Variants in CCDC97 observed in about 807,000 individuals in gnomAD.
CCDC97 encodes coiled-coil domain-containing protein 97.
CCDC97 carries 27 observed loss-of-function variants against 33.9 expected under a neutral mutation model. That is an observed-to-expected ratio of 0.80 (90% CI 0.59 to 1.10). The LOEUF (loss-of-function observed/expected upper bound fraction) is 1.10, where lower values mean the gene tolerates loss of function less well. Ranked by LOEUF, CCDC97 falls within the 50% of genes least tolerant of loss-of-function variation. CCDC97 has a pLI of 0.00. For missense variants in CCDC97, 422 were observed against 476.6 expected, an observed-to-expected ratio of 0.89 and a Z score of 1.07; for synonymous variants, 217 against 194.0, an observed-to-expected ratio of 1.12 and a Z score of -0.99.
At chr19:41,314,903 G>A (rs1358075143) in intron 1 of CCDC97, among the ~76,000 whole-genome samples, 2 of 152,028 alleles carry the variant, frequency 1.3e-5, no homozygotes, top group Non-Finnish European at 2.9e-5. Flanking sequence ...TTGGAAGATC[G>A]AGGTGGGAGG....
intron 1 of CCDC97, among the ~76,000 whole-genome samples, chr19:41,314,421 C>T (rs757875530): frequency 6.6e-6 from 1 of 152,226 alleles, no homozygotes. Context: ...GGATTACAGG[C>T]GCAAGCCACC....
At chr19:41,317,419 G>C (rs974170928) in intron 2 of CCDC97, among the ~76,000 whole-genome samples, 1 of 152,154 alleles carries the variant, frequency 6.6e-6, no homozygotes, top group Non-Finnish European at 1.5e-5. Context: ...GTTATAGAGA[G>C]GTTCACAGAG....
chr19:41,322,570 C>G, intron 4 of CCDC97, 25 bp from the exon 5 acceptor site: 3 of 1,608,784 alleles, frequency 1.9e-6, no homozygotes, highest in Non-Finnish European at 2.5e-6. Context: ...GAGACCCAGT[C>G]CTTGACAGCC....
At chr19:41,318,845 A>C (rs1209252533) in intron 2 of CCDC97, among the ~76,000 whole-genome samples, 1 of 152,142 alleles carries the variant, frequency 6.6e-6, no homozygotes. Context: ...CAGATGCCCC[A>C]CCTGACCTGA....
At position 41,320,340 on chromosome 19, in the gene CCDC97, G is replaced by C. The variant is rs1380674540; in HGVS notation, c.782-1G>C. The C allele has an allele frequency of 6.2e-7, 1 of 1,613,850 alleles. No homozygotes were observed. The highest frequency in any genetic ancestry group is 8.5e-7 in the Non-Finnish European group (1 of 1,179,982). ...ACACCCCCTCTCCTCTCCCTCTGCA[G>C]ACCAGAGGTCAGGCAAGGACTCGGA... On this transcript the variant is annotated splice_acceptor_variant, in intron 3 of 4. Coordinates refer to ENST00000269967, the MANE Select transcript of CCDC97 (RefSeq NM_052848.3). LOFTEE classifies it high-confidence loss of function.
intron 2 of CCDC97, among the ~76,000 whole-genome samples, chr19:41,317,710 C>T (rs1192459231): frequency 1.5e-5 from 1 of 67,502 alleles, no homozygotes; most frequent in Non-Finnish European, 3.2e-5. Flanking sequence ...GATCTTGTCT[C>T]AAAAAAAAAA....
rs141181359 is a variant in CCDC97, at chr19:41,316,899, G to C, written c.502+60G>C. 774 of 1,273,624 alleles carry C rather than the reference G, an allele frequency of 6.1e-4. 3 individuals are homozygous for C. The African/African-American group carries it at 0.01, about 17-fold the overall frequency. The allele number at this position is 1,273,624 out of a possible 1,614,324, so 78.9% of individuals were successfully genotyped here. On this transcript the variant is annotated intron_variant, in intron 2 of 4. Transcript: ENST00000269967. ...TGGGGAGGGAGGGGAGACTGAGGCA[G>C]AGGGAATTAGAGAAAAGAATACAAG... is the stretch of plus-strand genomic sequence containing the variant.
Position 41,324,085 on chromosome 19 carries a change from C to G in CCDC97, c.*1370C>G, listed in dbSNP as rs558383992. 6.6e-6 allele frequency: 1 copy of G among 152,352 alleles called. No individual in the cohort carries two copies. The highest frequency in any genetic ancestry group is 6.5e-5 in the Admixed American group (1 of 15,292). 9.4% of individuals were successfully genotyped at this position (152,352 alleles called of 1,614,324 possible). A position where few individuals can be genotyped will look rare whatever the true frequency, so the allele number is the denominator to read the frequency against. On this transcript the variant is annotated 3_prime_UTR_variant, in exon 5 of 5. Coordinates refer to ENST00000269967, the MANE Select transcript of CCDC97 (RefSeq NM_052848.3). ...CCTGGAGTCCACGGTTCCTGACCTC[C>G]GAGCCTCAGCTATGCCCTCTGGGTC...
Position 41,319,857 on chromosome 19 carries a change from G to A in CCDC97, c.781+5G>A, listed in dbSNP as rs1201167294. ...AGGAGGACAGTGACGAGGAAGGTGA[G>A]GGCCAGTAGCAGGAAGACCCCAGAT... On this transcript the variant is annotated splice_donor_5th_base_variant and intron_variant, in intron 3 of 4. Transcript: ENST00000269967. 7.2e-7 allele frequency: 1 copy of A among 1,384,196 alleles called. No individual in the cohort carries two copies. The highest frequency in any genetic ancestry group is 1.0e-6 in the Non-Finnish European group (1 of 994,900). The allele number at this position is 1,384,196 out of a possible 1,614,324, so 85.7% of individuals were successfully genotyped here.
chr19:41,310,496 T>G, intron 1 of CCDC97, 140 bp downstream of exon 1: 1 of 1,477,364 alleles, frequency 6.8e-7, no homozygotes, highest in Admixed American at 2.3e-5. Context: ...CTTCACTACT[T>G]TGCCCAGATT....
At chr19:41,311,727 ACT>A (rs1426414147) in intron 1 of CCDC97, among the ~76,000 whole-genome samples, 1 of 149,368 alleles carries the variant, frequency 6.7e-6, no homozygotes, top group Non-Finnish European at 1.5e-5. Flanking sequence ...ACAGAGCAAA[ACT>A]CTGTCTCAAA....
rs752926768 is a variant in CCDC97 at position 41,319,691 on chromosome 19, C to A, written c.620C>A (p.Pro207His). Residue 207 changes from proline to histidine, a missense_variant, in exon 3 of 5, where the codon CCC becomes CAC. Physicochemically the swap from Pro to His is moderately conservative, Grantham distance 77. Transcript: ENST00000269967. ...AGTGCCCGCACCCCAACCCACCAGC[C>A]CCCCAAGCCCGGGTCCCCCGGGAGA... ...ELSARTPTHQPPKPGSPGRPA... is the reference protein window; with the variant it reads ...ELSARTPTHQHPKPGSPGRPA... The A allele has an allele frequency of 1.5e-4, 243 of 1,613,824 alleles. 1 individual carries two copies. The highest frequency in any genetic ancestry group is 2.0e-4 in the Non-Finnish European group (236 of 1,179,852).
chr19:41,312,755 C>T (rs1185512557), intron 1 of CCDC97, among the ~76,000 whole-genome samples: 1 of 152,122 alleles, frequency 6.6e-6, no homozygotes, highest in Non-Finnish European at 1.5e-5. Flanking sequence ...CATGTGGCTA[C>T]ATCACTCCAA....
In CCDC97 at chr19:41,319,779, T is replaced by C; in HGVS notation, c.708T>C (p.Arg236=). The C allele has an allele frequency of 6.2e-7, 1 of 1,612,656 alleles. No individual in the cohort carries two copies. The highest frequency in any genetic ancestry group is 8.5e-7 in the Non-Finnish European group (1 of 1,179,530). ...QSYEERELQQ[R]LLQQQEEEEA... Reference sequence around the variant, plus strand: ...ACGAGGAGCGGGAGCTACAGCAGCGTCTGCTCCAACAGCAGGAGGAGGAGG... The same window carrying C: ...ACGAGGAGCGGGAGCTACAGCAGCGCCTGCTCCAACAGCAGGAGGAGGAGG... The change falls in exon 3 of 5, where the codon CGT becomes CGC. Residue 236 remains arginine (R), a synonymous_variant. Coordinates refer to ENST00000269967, the MANE Select transcript of CCDC97 (RefSeq NM_052848.3).
At chr19:41,321,971 G>A (rs186869117) in intron 4 of CCDC97, among the ~76,000 whole-genome samples, 2 of 152,326 alleles carry the variant, frequency 1.3e-5, no homozygotes, top group African/African-American at 2.4e-5. Flanking sequence ...CAGTGATGAC[G>A]TCAAAATGTC....
chr19:41,315,714 C>T (rs1448666298), intron 1 of CCDC97, among the ~76,000 whole-genome samples: 1 of 152,050 alleles, frequency 6.6e-6, no homozygotes, highest in South Asian at 2.1e-4. Context: ...TGCTTGAGCC[C>T]AGGAGTTCAG....
intron 1 of CCDC97, among the ~76,000 whole-genome samples, chr19:41,314,035 C>G (rs2037715896): frequency 1.3e-5 from 2 of 152,120 alleles, no homozygotes; most frequent in Non-Finnish European, 2.9e-5. Context: ...TATTGTTGAT[C>G]CTGACTGTCT....
At chr19:41,317,431 A>G (rs547079457) in intron 2 of CCDC97, among the ~76,000 whole-genome samples, 1 of 152,306 alleles carries the variant, frequency 6.6e-6, no homozygotes, top group Non-Finnish European at 1.5e-5. Context: ...TTCACAGAGA[A>G]AGAGAGAGAG....
chr19:41,320,639 C>A, intron 4 of CCDC97, 169 bp downstream of exon 4: 1 of 761,298 alleles, frequency 1.3e-6, no homozygotes. Context: ...TGGGTGACCT[C>A]GGACTAGCCT....
Sources: gnomAD v4.1 joint callset for allele counts (sites outside exome capture counted in the v4.1 genomes callset) on GRCh38, gnomAD v4.1.1 for gene constraint, MANE v1.5 for transcripts, NCBI Gene and HGNC (gene_info 2026-07-23, HGNC 2026-07-21) for gene names.